The following PPHLN1 variants were observed in gnomAD, a reference collection of about 807,000 sequenced individuals.
PPHLN1 encodes periphilin 1.
Under a neutral mutation model 51.3 loss-of-function variants are expected in PPHLN1, and 29 were observed. The ratio of observed to expected loss-of-function variants is 0.57; its 90% CI spans 0.42 to 0.77. The LOEUF (loss-of-function observed/expected upper bound fraction) is 0.77, where lower values mean the gene tolerates loss of function less well. PPHLN1 is among the 30% of genes least tolerant of loss of function. The pLI is 0.00. For missense variants in PPHLN1, 436 were observed against 438.4 expected (o/e 0.99, Z 0.05); for synonymous variants, 147 against 147.8 (o/e 0.99, Z 0.04).
chr12:42,431,839 A>G, intron 9 of PPHLN1: 2 of 1,491,892 alleles, frequency 1.3e-6, no homozygotes, highest in African/African-American at 1.4e-5. Context: ...TATTTTGCCT[A>G]GCCCATTTTC....
Position 42,426,215 on chromosome 12 carries a change from CACACACACACACA to C in PPHLN1, c.910-15099_910-15087del, listed in dbSNP as rs1421602778. On this transcript the variant is annotated intron_variant, in intron 9 of 9. Coordinates refer to ENST00000358314, the MANE Select transcript of PPHLN1 (RefSeq NM_201439.2). ...ACACACACACACACACACACACACA[CACACACACACACA>C]CCCTCATGCATTGTCTCATGGCAGT... Among the ~76,000 whole-genome samples, 128 of 142,752 alleles carry C rather than the reference CACACACACACACA, an allele frequency of 9.0e-4. 1 individual carries two copies. The highest frequency in any genetic ancestry group is 3.4e-3 in the Middle Eastern group (1 of 292). 93.7% of individuals were successfully genotyped at this position (142,752 alleles called of 152,430 possible).
At chr12:42,423,285 T>A (rs1388554296) in intron 9 of PPHLN1, among the ~76,000 whole-genome samples, 1 of 152,188 alleles carries the variant, frequency 6.6e-6, no homozygotes, top group Non-Finnish European at 1.5e-5. Flanking sequence ...TTATGGATTT[T>A]CCCCACTGTA....
intron 4 of PPHLN1, among the ~76,000 whole-genome samples, chr12:42,358,480 T>A (rs754279853): frequency 3.3e-5 from 5 of 152,248 alleles, no homozygotes; most frequent in Non-Finnish European, 7.3e-5. Context: ...AGCCTTGATC[T>A]GTCAGGCTTA....
intron 3 of PPHLN1, among the ~76,000 whole-genome samples, chr12:42,352,531 T>A (rs2073499125): frequency 6.6e-6 from 1 of 151,466 alleles, no homozygotes; most frequent in Admixed American, 6.6e-5. Context: ...TGCCTCACCC[T>A]CCCAAGTAGC....
intron 2 of PPHLN1, among the ~76,000 whole-genome samples, chr12:42,348,077 TG>T (rs199636825): frequency 6.6e-5 from 10 of 151,970 alleles, no homozygotes; most frequent in Admixed American, 3.9e-4. Context: ...ATTGAATTTT[TG>T]TTTTCTTTTG....
intron 9 of PPHLN1, among the ~76,000 whole-genome samples, chr12:42,413,920 G>A (rs1316340840): frequency 6.6e-6 from 1 of 151,920 alleles, no homozygotes; most frequent in Non-Finnish European, 1.5e-5. Context: ...CTCCAGATTT[G>A]TTTTTGGCTT....
At chr12:42,390,823 T>A (rs957116015) in intron 7 of PPHLN1, among the ~76,000 whole-genome samples, 15 of 150,490 alleles carry the variant, frequency 1.0e-4, no homozygotes, top group Non-Finnish European at 2.1e-4. Flanking sequence ...GTGAAGTTTT[T>A]TTTTTTTTTT....
At chr12:42,394,510 A>G (rs537018918) in intron 8 of PPHLN1, among the ~76,000 whole-genome samples, 1 of 152,256 alleles carries the variant, frequency 6.6e-6, no homozygotes, top group South Asian at 2.1e-4. Flanking sequence ...ATAATACTTA[A>G]CTACATCTTT....
chr12:42,385,146 G>C, intron 6 of PPHLN1, 150 bp downstream of exon 6: 1 of 828,726 alleles, frequency 1.2e-6, no homozygotes, highest in Non-Finnish European at 1.9e-6. Context: ...CTAGGATTTG[G>C]GGGGCATTTG....
chr12:42,405,179 C>T (rs2079183193), intron 9 of PPHLN1, among the ~76,000 whole-genome samples: 3 of 152,096 alleles, frequency 2.0e-5, no homozygotes. Context: ...ATGTTTCCTC[C>T]TTAGAATTCT....
chr12:42,405,481 CTA>C (rs1463375234), intron 9 of PPHLN1, among the ~76,000 whole-genome samples: 1 of 152,206 alleles, frequency 6.6e-6, no homozygotes, highest in Non-Finnish European at 1.5e-5. Context: ...AAAGTAAACA[CTA>C]GAAGTGAATT....
intron 9 of PPHLN1, chr12:42,433,019 C>A: frequency 9.0e-7 from 1 of 1,106,904 alleles, no homozygotes; most frequent in Non-Finnish European, 1.4e-6. Flanking sequence ...ACACGCCTCT[C>A]TCATATCCTC....
At chr12:42,385,643 A>G (rs1370557857) in intron 6 of PPHLN1, among the ~76,000 whole-genome samples, 1 of 152,212 alleles carries the variant, frequency 6.6e-6, no homozygotes, top group African/African-American at 2.4e-5. Context: ...TTTAATAAGC[A>G]TAATGTGCTA....
At chr12:42,434,130 A>G (rs991407120) in intron 9 of PPHLN1, among the ~76,000 whole-genome samples, 2 of 152,286 alleles carry the variant, frequency 1.3e-5, no homozygotes, top group Admixed American at 1.3e-4. Flanking sequence ...CTTTTATAAT[A>G]AACAGTATTT....
At chr12:42,448,520 T>C (rs1227585259), downstream of PPHLN1, 1 of 152,224 alleles carries the variant, frequency 6.6e-6, no homozygotes, top group Non-Finnish European at 1.5e-5. Context: ...AAAATTTTCA[T>C]TGTCTTGCCA....
At chr12:42,440,348 A>G (rs1311763860) in intron 9 of PPHLN1, among the ~76,000 whole-genome samples, 2 of 152,184 alleles carry the variant, frequency 1.3e-5, no homozygotes, top group East Asian at 1.9e-4. Flanking sequence ...TCCTGCAACC[A>G]TGCTATAATC....
intron 1 of PPHLN1, 100 bp from the exon 2 acceptor site, chr12:42,335,783 C>A (rs2070536360): frequency 7.2e-5 from 27 of 375,494 alleles, no homozygotes; most frequent in East Asian, 1.7e-4. Flanking sequence ...CTCTTAAGAT[C>A]TCTGGAAAAT....
chr12:42,359,920 C>T (rs762287357), intron 4 of PPHLN1, among the ~76,000 whole-genome samples: 1 of 151,840 alleles, frequency 6.6e-6, no homozygotes, highest in African/African-American at 2.4e-5. Flanking sequence ...CCAGCCTGGC[C>T]ATTATGACAA....
At chr12:42,375,165 ATTTTT>A in intron 5 of PPHLN1, 91 bp downstream of exon 5, 1 of 1,059,538 alleles carries the variant, frequency 9.4e-7, no homozygotes. Flanking sequence ...TAAGAGATTT[ATTTTT>A]TAAACTTTTT....
Sources: allele counts gnomAD v4.1 joint callset (sites outside exome capture counted in the v4.1 genomes callset), GRCh38; gene constraint gnomAD v4.1.1; transcripts MANE v1.5; gene names NCBI Gene and HGNC (gene_info 2026-07-23, HGNC 2026-07-21).